NCOR1: variants seen among roughly 807,000 people sequenced by gnomAD.
The protein encoded by NCOR1 is protein phosphatase 1, regulatory subunit 109.
In NCOR1, 63 loss-of-function variants were observed where a neutral mutation model predicts 288.1. The ratio of observed to expected loss-of-function variants is 0.22; its 90% CI spans 0.18 to 0.27. The LOEUF (loss-of-function observed/expected upper bound fraction) is 0.27. Among genes scored for constraint, NCOR1 ranks in the 10% least tolerant of loss-of-function variants. The probability of loss-of-function intolerance (pLI) is 1.00; values close to 1 mark genes in which losing one functional copy is unlikely to be tolerated. For missense variants in NCOR1, 2,397 were observed against 3,019.2 expected (o/e 0.79, Z 4.83); for synonymous variants, 1,007 against 1,065.9 (o/e 0.94, Z 1.08).
intron 2 of NCOR1, among the ~76,000 whole-genome samples, chr17:16,189,605 T>C (rs2087654987): frequency 6.6e-6 from 1 of 151,990 alleles, no homozygotes. Flanking sequence ...CAACATCCCA[T>C]ATCCACAGGC....
At chr17:16,165,265 C>T (rs76571303) in intron 4 of NCOR1, 104 bp from the exon 5 acceptor site, 3 of 842,006 alleles carry the variant, frequency 3.6e-6, no homozygotes, top group Non-Finnish European at 3.6e-6. Context: ...GCCATGTGTA[C>T]TATTTGTCTA....
rs1555628451 is a variant in NCOR1, at chr17:16,092,647, T to TTATTTATATA, written c.2821-590_2821-589insTATATAAATA. Reference sequence around the variant, plus strand: ...CTCTTTCACCAGGGATCAGATCCATTTATATATATATATATATATATATAT... The same window carrying TTATTTATATA: ...CTCTTTCACCAGGGATCAGATCCATTTATTTATATATATATATATATATATATATATATAT... On this transcript the variant is annotated intron_variant, in intron 21 of 45. Transcript: ENST00000268712. Among the ~76,000 whole-genome samples the TTATTTATATA allele has an allele frequency of 8.1e-4, 26 of 32,132 alleles. 1 individual carries two copies. Among genetic ancestry groups the TTATTTATATA allele is most frequent in the Admixed American group, 1.8e-3 (3 of 1,686 alleles). 21.1% of individuals were successfully genotyped at this position (32,132 alleles called of 152,430 possible). A position where few individuals can be genotyped will look rare whatever the true frequency, so the allele number is the denominator to read the frequency against.
intron 1 of NCOR1, among the ~76,000 whole-genome samples, chr17:16,200,569 T>C (rs1410798833): frequency 6.8e-6 from 1 of 146,560 alleles, no homozygotes; most frequent in Non-Finnish European, 1.5e-5. Flanking sequence ...CCACTTCAGA[T>C]GAGCAAGAAT....
At chr17:16,133,331 A>T (rs1488679020) in intron 14 of NCOR1, among the ~76,000 whole-genome samples, 2 of 152,192 alleles carry the variant, frequency 1.3e-5, no homozygotes, top group Non-Finnish European at 2.9e-5. Flanking sequence ...CTGGGAGTAG[A>T]GGATAGGGAG....
At chr17:16,088,847 T>C (rs1598412404) in intron 22 of NCOR1, among the ~76,000 whole-genome samples, 3 of 152,266 alleles carry the variant, frequency 2.0e-5, no homozygotes, top group Admixed American at 2.0e-4. Flanking sequence ...TGCAATAGTG[T>C]CTCACTAAAG....
intron 1 of NCOR1, among the ~76,000 whole-genome samples, chr17:16,206,352 T>A (rs1568683379): frequency 6.7e-6 from 1 of 148,376 alleles, no homozygotes; most frequent in African/African-American, 2.5e-5. Flanking sequence ...AAAAAAAAAA[T>A]CTAGTGACCG....
At chr17:16,072,329 C>T (rs1567838438) in intron 28 of NCOR1, 101 bp from the exon 29 acceptor site, 2 of 812,768 alleles carry the variant, frequency 2.5e-6, no homozygotes, top group Middle Eastern at 2.4e-4. Context: ...GATAAATGCT[C>T]TATGAAGGAA....
At chr17:16,134,914 C>T (rs1035986321) in intron 14 of NCOR1, among the ~76,000 whole-genome samples, 18 of 152,186 alleles carry the variant, frequency 1.2e-4, no homozygotes, top group African/African-American at 4.3e-4. Context: ...AATCCCAGCA[C>T]TTTGGGAGGC....
rs757521894 is a variant in NCOR1 at position 16,048,845 on chromosome 17, C to T, written c.6536G>A (p.Arg2179Lys). ...TGCTGTCACTAGGAAGCACACTTAC[C>T]TCTGCTCTGCAGGCTCTGCGCCCCT... is the stretch of plus-strand genomic sequence containing the variant. ...SQRGAEPAEQ[R>K]NDARSPGSIS... Residue 2179 changes from arginine to lysine, a missense_variant and splice_region_variant, in exon 41 of 46, where the codon AGG becomes AAG. Physicochemically the swap from Arg to Lys is conservative, Grantham distance 26 (BLOSUM62 2). Around this residue, in one of 11 missense-constraint regions of NCOR1, gnomAD observed 1,872 missense variants for 2,187.8 expected, o/e 0.86. Transcript: ENST00000268712. 2.5e-6 allele frequency: 4 copies of T among 1,606,690 alleles called. No homozygotes were observed. Among genetic ancestry groups the T allele is most frequent in the Non-Finnish European group, 2.6e-6 (3 of 1,175,386 alleles).
intron 18 of NCOR1, among the ~76,000 whole-genome samples, chr17:16,114,103 GGAA>G (rs543707907): frequency 5.5e-5 from 8 of 145,430 alleles, no homozygotes; most frequent in Non-Finnish European, 1.2e-4. Flanking sequence ...ATGGCAAAAG[GGAA>G]GGAGGAGCAA....
At chr17:16,190,639 C>T (rs936272001) in intron 2 of NCOR1, among the ~76,000 whole-genome samples, 1 of 152,188 alleles carries the variant, frequency 6.6e-6, no homozygotes, top group Middle Eastern at 3.4e-3. Context: ...CCACGCCCAG[C>T]CAACACTCCC....
chr17:16,172,370 A>AG (rs1186607235), intron 3 of NCOR1, among the ~76,000 whole-genome samples: 1 of 152,090 alleles, frequency 6.6e-6, no homozygotes, highest in Non-Finnish European at 1.5e-5. Flanking sequence ...CAAAAAAAAA[A>AG]GGTTTGGGGG....
intron 26 of NCOR1, among the ~76,000 whole-genome samples, chr17:16,078,986 T>A (rs2062960841): frequency 6.6e-6 from 1 of 152,194 alleles, no homozygotes; most frequent in Non-Finnish European, 1.5e-5. Context: ...CCTGGGAACC[T>A]CAGTAAAATG....
intron 22 of NCOR1, among the ~76,000 whole-genome samples, chr17:16,089,037 A>C (rs936369065): frequency 5.3e-5 from 8 of 152,040 alleles, no homozygotes; most frequent in Non-Finnish European, 1.2e-4. Flanking sequence ...ATGATAATGT[A>C]TTAAAAATCC....
At chr17:16,214,460 T>C (rs974240215) in intron 1 of NCOR1, among the ~76,000 whole-genome samples, 4 of 152,198 alleles carry the variant, frequency 2.6e-5, no homozygotes, top group Non-Finnish European at 5.9e-5. Flanking sequence ...AATTTCAATA[T>C]AATTAGGATA....
intron 45 of NCOR1, among the ~76,000 whole-genome samples, chr17:16,033,071 C>T (rs1407058818): frequency 2.0e-5 from 3 of 152,144 alleles, no homozygotes; most frequent in Admixed American, 6.5e-5. Context: ...ACAGGCTGGG[C>T]GCAGTGGCTC....
intron 21 of NCOR1, among the ~76,000 whole-genome samples, chr17:16,094,652 T>C (rs1264469564): frequency 6.6e-6 from 1 of 151,984 alleles, no homozygotes; most frequent in African/African-American, 2.4e-5. Flanking sequence ...CTCGGCTCAC[T>C]GCAACCTCCC....
chr17:16,170,099 T>C (rs1334192749), intron 4 of NCOR1, among the ~76,000 whole-genome samples: 1 of 101,722 alleles, frequency 9.8e-6, no homozygotes. Context: ...TTTTAACATA[T>C]TTGCTTTCTG....
In NCOR1 at chr17:16,080,668, G is replaced by A; in HGVS notation, c.3237C>T (p.Pro1079=). The part of the protein sequence containing the change: ...HNQASYTQET[P]KPSVGSISLG... The stretch of plus-strand genomic sequence containing the variant: ...GAGAGATAGATCCCACTGACGGCTT[G>A]GGTGTTTCTTGAGTGTAGGAAGCCT... Residue 1079 remains proline, a synonymous_variant, in exon 24 of 46, where the codon CCC becomes CCT. Transcript: ENST00000268712. 1 of 1,614,058 alleles carries A rather than the reference G, an allele frequency of 6.2e-7. No individual in the cohort carries two copies. Among genetic ancestry groups the A allele is most frequent in the Non-Finnish European group, 8.5e-7 (1 of 1,179,990 alleles).
Sources: allele counts gnomAD v4.1 joint callset (sites outside exome capture counted in the v4.1 genomes callset), GRCh38; gene constraint gnomAD v4.1.1; regional missense constraint gnomAD v4.1.1; transcripts MANE v1.5; gene names NCBI Gene and HGNC (gene_info 2026-07-23, HGNC 2026-07-21).